Variants in SPATA2L observed in about 807,000 individuals in gnomAD.
The protein encoded by SPATA2L is spermatogenesis-associated protein 2-like protein.
A neutral mutation model predicts 8.7 loss-of-function variants in SPATA2L; 5 were observed. That is an observed-to-expected ratio of 0.57 (90% CI 0.30 to 1.21). The LOEUF (loss-of-function observed/expected upper bound fraction) is 1.21. Among genes scored for constraint, SPATA2L ranks in the 50% most tolerant of loss-of-function variants. The pLI, the probability that SPATA2L is intolerant of heterozygous loss-of-function variation, is 0.07. For synonymous variants in SPATA2L, 358 were observed against 275.8 expected (o/e 1.30, Z -2.95); for missense variants, 671 against 591.0 (o/e 1.14, Z -1.40).
intron 2 of SPATA2L, 77 bp downstream of exon 2, chr16:89,700,853 C>T (rs2060771045): frequency 1.5e-6 from 2 of 1,364,250 alleles, no homozygotes; most frequent in South Asian, 1.6e-5. Context: ...TCTCGAAAGG[C>T]GTGGTCCCCC....
chr16:89,700,889 G>C, intron 2 of SPATA2L, 41 bp downstream of exon 2: 1 of 1,407,630 alleles, frequency 7.1e-7, no homozygotes, highest in Non-Finnish European at 9.3e-7. Context: ...GCGACCCGCA[G>C]GCCAGGACGA....
intron 2 of SPATA2L, among the ~76,000 whole-genome samples, chr16:89,699,739 A>G (rs2060763180): frequency 6.6e-6 from 1 of 151,996 alleles, no homozygotes; most frequent in Non-Finnish European, 1.5e-5. Flanking sequence ...TTTAATAGAG[A>G]CGGGGTTTCA....
At chr16:89,699,207 C>T (rs138247518) in intron 2 of SPATA2L, among the ~76,000 whole-genome samples, 79 of 152,324 alleles carry the variant, frequency 5.2e-4, no homozygotes, top group African/African-American at 1.8e-3. Context: ...CTCCCTTCAC[C>T]CCTGGAGATG....
rs540222534 is a variant in SPATA2L at position 89,701,072 on chromosome 16, A to C, written c.161T>G (p.Leu54Arg). 1 of 1,573,494 alleles carries C rather than the reference A, an allele frequency of 6.4e-7. No homozygotes were observed. Among genetic ancestry groups the C allele is most frequent in the African/African-American group, 1.4e-5 (1 of 73,496 alleles). ...CCACAGCCCGTCGGTGAGCAGAGCC[A>C]GCGCGTCGTCCTGCAGCGCCCCGTG... ...DLHGALQDDALALLTDGLWGR... is the reference protein window; with the variant it reads ...DLHGALQDDARALLTDGLWGR... Residue 54 changes from leucine to arginine, a missense_variant, in exon 2 of 3, where the codon CTG becomes CGG. Physicochemically the swap from Leu to Arg is moderately radical, Grantham distance 102 (BLOSUM62 -2). Transcript: ENST00000289805.
chr16:89,698,328 G>C, intron 2 of SPATA2L, 23 bp from the exon 3 acceptor site: 1 of 1,535,914 alleles, frequency 6.5e-7, no homozygotes. Flanking sequence ...GGCCAGGTCA[G>C]TGACTGCCCA....
chr16:89,697,339 G>T lies in SPATA2L; in HGVS notation c.1270C>A (p.Pro424Thr). 2 of 1,509,696 alleles carry T rather than the reference G, an allele frequency of 1.3e-6. No individual in the cohort carries two copies. The highest frequency in any genetic ancestry group is 1.4e-5 in the South Asian group (1 of 73,856). The allele number at this position is 1,509,696 out of a possible 1,614,324, so 93.5% of individuals were successfully genotyped here. ...TGACCTGGGGCCCAGCTGGCCTAGG[G>T]CCGGGCCCCGGGGCTGTTGTAGAGC... is the stretch of plus-strand genomic sequence containing the variant. The part of the protein sequence containing the change: ...TLLYNSPGAR[P>T] Residue 424 changes from proline (P) to threonine (T), a missense_variant, in exon 3 of 3, where the codon CCC (proline) becomes ACC (threonine). Transcript: ENST00000289805.
chr16:89,700,528 G>A (rs562709915), intron 2 of SPATA2L, among the ~76,000 whole-genome samples: 1 of 152,362 alleles, frequency 6.6e-6, no homozygotes, highest in East Asian at 1.9e-4. Flanking sequence ...CCCATCTGCA[G>A]TCCTCCCAGC....
In SPATA2L at chr16:89,696,801, C is replaced by T. The variant is rs773481534; in HGVS notation, c.*533G>A. On this transcript the variant is annotated 3_prime_UTR_variant, in exon 3 of 3. Coordinates refer to ENST00000289805, the MANE Select transcript of SPATA2L (RefSeq NM_152339.4). ...CTGCTGTGACACCCAAGGGGAGGGCCGGCGTCCCCGAAGCCAGGTCAGCCG... is the reference window on the plus strand; with the variant it reads ...CTGCTGTGACACCCAAGGGGAGGGCTGGCGTCCCCGAAGCCAGGTCAGCCG... The T allele has an allele frequency of 2.5e-5, 38 of 1,533,688 alleles. No homozygotes were observed. The highest frequency in any genetic ancestry group is 5.5e-5 in the African/African-American group (4 of 73,000).
Position 89,697,555 on chromosome 16 carries a change from G to A in SPATA2L, c.1054C>T (p.Pro352Ser). ...PASAYRSVSE[P>S]PGYQAHSCLS... ...CAGCTGTGTGCCTGGTAGCCTGGGG[G>A]CTCCGAGACAGACCTATAGGCTGAG... The change falls in exon 3 of 3, where the codon CCC becomes TCC. Residue 352 changes from proline (P) to serine (S), a missense_variant. Physicochemically the swap from Pro to Ser is moderately conservative, Grantham distance 74. Coordinates refer to ENST00000289805, the MANE Select transcript of SPATA2L (RefSeq NM_152339.4). 1 of 1,589,232 alleles carries A rather than the reference G, an allele frequency of 6.3e-7. No individual in the cohort carries two copies. Among genetic ancestry groups the A allele is most frequent in the Middle Eastern group, 1.7e-4 (1 of 5,982 alleles).
chr16:89,701,512 C>T (rs1437942103), intron 1 of SPATA2L, 116 bp downstream of exon 1: 1 of 388,146 alleles, frequency 2.6e-6, no homozygotes, highest in African/African-American at 2.1e-5. Flanking sequence ...AGGGGCGCCC[C>T]CGGTTATCGA....
Position 89,697,290 on chromosome 16 carries a change from C to A in SPATA2L, c.*44G>T. On this transcript the variant is annotated 3_prime_UTR_variant, in exon 3 of 3. Coordinates refer to ENST00000289805, the MANE Select transcript of SPATA2L (RefSeq NM_152339.4). The stretch of plus-strand genomic sequence containing the variant: ...CCCTCCCCAGCAAAGAGAAGCACCA[C>A]GGGAGCTGTCTCCCAAGAGCCCTTG... 6.8e-7 allele frequency: 1 copy of A among 1,474,674 alleles called. No individual in the cohort carries two copies. The highest frequency in any genetic ancestry group is 8.9e-7 in the Non-Finnish European group (1 of 1,117,950). The allele number at this position is 1,474,674 out of a possible 1,614,324, so 91.3% of individuals were successfully genotyped here.
intron 2 of SPATA2L, among the ~76,000 whole-genome samples, chr16:89,699,741 G>A (rs1441202155): frequency 6.6e-6 from 1 of 152,054 alleles, no homozygotes; most frequent in African/African-American, 2.4e-5. Flanking sequence ...TAATAGAGAC[G>A]GGGTTTCACC....
intron 2 of SPATA2L, among the ~76,000 whole-genome samples, chr16:89,699,167 T>C (rs1386587182): frequency 6.6e-6 from 1 of 152,222 alleles, no homozygotes; most frequent in Non-Finnish European, 1.5e-5. Context: ...GCCCCTGTAC[T>C]GAGAAATTCC....
Position 89,698,135 on chromosome 16 carries a change from G to C in SPATA2L, c.474C>G (p.Leu158=), listed in dbSNP as rs755367489. ...LVQVALGCFA[L]RLECEILGEV... is the part of the protein sequence containing the mutation. ...CACCCAGGATCTCACACTCCAGCCG[G>C]AGGGCGAAGCAGCCCAGGGCCACCT... is the stretch of plus-strand genomic sequence containing the variant. Residue 158 remains leucine (L), a synonymous_variant, in exon 3 of 3, where the codon CTC becomes CTG. Transcript: ENST00000289805. 1 of 1,610,118 alleles carries C rather than the reference G, an allele frequency of 6.2e-7. No homozygotes were observed. The highest frequency in any genetic ancestry group is 1.1e-5 in the South Asian group (1 of 90,886).
In SPATA2L at chr16:89,696,634, G is replaced by C. The variant is rs947922059; in HGVS notation, c.*700C>G. 1.4e-6 allele frequency: 1 copy of C among 716,844 alleles called. No homozygotes were observed. Among genetic ancestry groups the C allele is most frequent in the Non-Finnish European group, 2.2e-6 (1 of 451,094 alleles). The allele number at this position is 716,844 out of a possible 1,614,324, so 44.4% of individuals were successfully genotyped here. On this transcript the variant is annotated 3_prime_UTR_variant, in exon 3 of 3. Transcript: ENST00000289805. ...TGGACCCACCAAGACCCCGCCGCCT[G>C]GGCGGGCTGTCCACAGGCCCTTCCG...
rs748213525 is a variant in SPATA2L at position 89,696,884 on chromosome 16, G to A, written c.*450C>T. The A allele has an allele frequency of 3.5e-5, 54 of 1,534,280 alleles. No homozygotes were observed. The highest frequency in any genetic ancestry group is 3.1e-4 in the South Asian group (26 of 83,712). ...GCAGAGCTTGGGGTGGGGGGAGCTC[G>A]GTGTCACCAACAGGCCCTTGAGGAC... is the stretch of plus-strand genomic sequence containing the variant. On this transcript the variant is annotated 3_prime_UTR_variant, in exon 3 of 3. Transcript: ENST00000289805.
rs1170460661 is a variant in SPATA2L at position 89,696,659 on chromosome 16, G to A, written c.*675C>T. 50 of 987,496 alleles carry A rather than the reference G, an allele frequency of 5.1e-5. No homozygotes were observed. Among genetic ancestry groups the A allele is most frequent in the Non-Finnish European group, 7.1e-5 (49 of 685,766 alleles). The allele number at this position is 987,496 out of a possible 1,614,324, so 61.2% of individuals were successfully genotyped here. A position where few individuals can be genotyped will look rare whatever the true frequency, so the allele number is the denominator to read the frequency against. On this transcript the variant is annotated 3_prime_UTR_variant, in exon 3 of 3. Transcript: ENST00000289805. ...GGGCGGGCTGTCCACAGGCCCTTCC[G>A]CCCAGCAGCAGTGACGCTCAGGGCC...
At position 89,698,042 on chromosome 16, in the gene SPATA2L, G is replaced by A. The variant is rs372216237; in HGVS notation, c.567C>T (p.Ser189=). The A allele has an allele frequency of 2.8e-5, 45 of 1,597,272 alleles. No homozygotes were observed. The highest frequency in any genetic ancestry group is 2.2e-4 in the Admixed American group (13 of 59,476). Residue 189 remains serine, a synonymous_variant, in exon 3 of 3, where the codon AGC becomes AGT. Transcript: ENST00000289805. Reference sequence around the variant, plus strand: ...AGGCCACACAGGAGGCCACGTCCCCGCTGGCACGCCGTGCCTGCAGCAGCT... The same window carrying A: ...AGGCCACACAGGAGGCCACGTCCCCACTGGCACGCCGTGCCTGCAGCAGCT... ...AEELLQARRA[S]GDVASCVAWL... is the part of the protein sequence containing the mutation.
In SPATA2L at chr16:89,697,871, C is replaced by A. The variant is rs547351099; in HGVS notation, c.738G>T (p.Pro246=). 5 of 1,611,554 alleles carry A rather than the reference C, an allele frequency of 3.1e-6. No individual in the cohort carries two copies. The highest frequency in any genetic ancestry group is 1.1e-5 in the South Asian group (1 of 90,932). ...CCGGGGGCGAGTCAGGGCCTGGTGA[C>A]GGCTCCCCATACAGGCTGGCGTCCT... ...GSEDASLYGE[P]SPGPDSPPAE... The change falls in exon 3 of 3, where the codon CCG becomes CCT. Residue 246 remains proline, a synonymous_variant. Transcript: ENST00000289805.
Sources: gnomAD v4.1 joint callset for allele counts (sites outside exome capture counted in the v4.1 genomes callset) on GRCh38, gnomAD v4.1.1 for gene constraint, MANE v1.5 for transcripts, NCBI Gene and HGNC (gene_info 2026-07-23, HGNC 2026-07-21) for gene names.